The following BCAS3 variants were observed in gnomAD, a reference collection of about 807,000 sequenced individuals.
The protein encoded by BCAS3 is BCAS3 microtubule associated cell migration factor, also known as BCAS4/BCAS3 fusion.
In BCAS3, 53 loss-of-function variants were observed where a neutral mutation model predicts 116.1. That is an observed-to-expected ratio of 0.46 (90% CI 0.37 to 0.57). BCAS3 has a LOEUF of 0.57. BCAS3 is among the 20% of genes least tolerant of loss of function. BCAS3 has a pLI of 0.00. For synonymous variants in BCAS3, 391 were observed against 408.2 expected, an observed-to-expected ratio of 0.96 and a Z score of 0.51; for missense variants, 917 against 1,165.4, an observed-to-expected ratio of 0.79 and a Z score of 3.10.
intron 6 of BCAS3, among the ~76,000 whole-genome samples, chr17:60,773,269 T>C (rs1176079191): frequency 1.3e-5 from 2 of 151,744 alleles, no homozygotes; most frequent in Non-Finnish European, 2.9e-5. Context: ...TATTTTGTAT[T>C]ATCTGACTCT....
chr17:61,290,051 C>T (rs891490743), intron 22 of BCAS3, among the ~76,000 whole-genome samples: 4 of 151,958 alleles, frequency 2.6e-5, no homozygotes, highest in African/African-American at 9.7e-5. Flanking sequence ...TACTTGGGTT[C>T]GTGTGTGTAA....
In BCAS3 at chr17:61,381,042, C is replaced by T. The variant is rs879706742; in HGVS notation, c.2594-10935C>T. Among the ~76,000 whole-genome samples the T allele has an allele frequency of 5.3e-5, 8 of 152,188 alleles. No individual in the cohort carries two copies. Among genetic ancestry groups the T allele is most frequent in the African/African-American group, 1.7e-4 (7 of 41,438 alleles). On this transcript the variant is annotated intron_variant, in intron 23 of 23. Coordinates refer to ENST00000407086, the MANE Select transcript of BCAS3 (RefSeq NM_017679.5). This position sits in a 1 kb window ranked among gnomAD's most constrained non-coding sequence, Gnocchi z 6.0. ...CCGACTCCTGGCCACTTGTTGTCTG[C>T]GCTTGTCTGTCCATTTATACAACCT...
At chr17:60,978,663 C>T (rs1176907793) in intron 14 of BCAS3, among the ~76,000 whole-genome samples, 1 of 152,062 alleles carries the variant, frequency 6.6e-6, no homozygotes, top group East Asian at 1.9e-4. Context: ...TTAATCCATC[C>T]TGAATTGATT....
chr17:60,956,308 T>C lies in BCAS3; in HGVS notation c.1221+8956T>C, dbSNP rs1303846713. On this transcript the variant is annotated intron_variant, in intron 14 of 23. Coordinates refer to ENST00000407086, the MANE Select transcript of BCAS3 (RefSeq NM_017679.5). The surrounding 1 kb of genome is among the most constrained non-coding windows in gnomAD (Gnocchi z 4.2). ...CAACTAACTTGCTTACCCTTAAGTT[T>C]AATTATTATTTGTTTTTGTCTCTTT... Among the ~76,000 whole-genome samples, 2 of 152,214 alleles carry C rather than the reference T, an allele frequency of 1.3e-5. No individual in the cohort carries two copies. The highest frequency in any genetic ancestry group is 2.9e-5 in the Non-Finnish European group (2 of 68,044).
At position 61,105,487 on chromosome 17, in the gene BCAS3, C is replaced by T. The variant is rs1184094607; in HGVS notation, c.2425+20923C>T. On this transcript the variant is annotated intron_variant, in intron 22 of 23. Transcript: ENST00000407086. The surrounding 1 kb of genome is among the most constrained non-coding windows in gnomAD (Gnocchi z 4.3). ...TTGCCCAGGCTGCAGTGCAATGGCG[C>T]GACCTTGGCTCAAAGCAAGCTCTGT... Among the ~76,000 whole-genome samples the T allele has an allele frequency of 1.3e-5, 2 of 152,122 alleles. No homozygotes were observed. The highest frequency in any genetic ancestry group is 2.4e-5 in the African/African-American group (1 of 41,426).
intron 16 of BCAS3, among the ~76,000 whole-genome samples, chr17:61,018,290 GTTTTTTTTTTT>G (rs10570881): frequency 4.0e-4 from 33 of 83,056 alleles, no homozygotes; most frequent in Non-Finnish European, 7.5e-4. Flanking sequence ...AAATTCCCCA[GTTTTTTTTTTT>G]TTTTTTTTTT....
chr17:60,986,309 C>A (rs2145418052), intron 14 of BCAS3, among the ~76,000 whole-genome samples: 1 of 152,238 alleles, frequency 6.6e-6, no homozygotes, highest in Middle Eastern at 3.4e-3. Context: ...CATGGGAGTG[C>A]AGATATCTCT....
At chr17:60,881,141 A>AT (rs2056103165) in intron 9 of BCAS3, among the ~76,000 whole-genome samples, 1 of 151,890 alleles carries the variant, frequency 6.6e-6, no homozygotes, top group African/African-American at 2.4e-5. Flanking sequence ...CACCCTGCTA[A>AT]TTTTTTGTAT....
chr17:60,847,909 A>C (rs1274603971), intron 7 of BCAS3, among the ~76,000 whole-genome samples: 2 of 152,196 alleles, frequency 1.3e-5, no homozygotes, highest in East Asian at 3.8e-4. Context: ...TCTGAGAATC[A>C]ATTGCCAAAT....
intron 19 of BCAS3, among the ~76,000 whole-genome samples, chr17:61,070,738 G>A (rs1427308385): frequency 1.3e-5 from 2 of 152,086 alleles, no homozygotes; most frequent in East Asian, 3.9e-4. Context: ...TCCTAGGCTG[G>A]CCTTCTGTAT....
intron 15 of BCAS3, among the ~76,000 whole-genome samples, chr17:60,991,102 T>C (rs1365226156): frequency 2.0e-5 from 3 of 152,202 alleles, no homozygotes. Context: ...TAAACCACAA[T>C]TCTCATTTTT....
intron 3 of BCAS3, chr17:60,689,007 A>G (rs1210142505): frequency 1.3e-5 from 2 of 152,198 alleles, no homozygotes; most frequent in East Asian, 3.8e-4. Context: ...TACTCACACC[A>G]GTATAATTGC....
Position 61,324,440 on chromosome 17 carries a change from A to G in BCAS3, c.2426-43887A>G, listed in dbSNP as rs972568617. 6.6e-6 allele frequency among the ~76,000 whole-genome samples: 1 copy of G among 152,210 alleles called. No homozygotes were observed. The highest frequency in any genetic ancestry group is 1.9e-4 in the East Asian group (1 of 5,198). ...GCCCCGAGTATGTGTGGTAGTATTA[A>G]TATATGTACATGTAATATTTGTGTG... On this transcript the variant is annotated intron_variant, in intron 22 of 23. Transcript: ENST00000407086. This position sits in a 1 kb window ranked among gnomAD's most constrained non-coding sequence, Gnocchi z 4.6.
At chr17:60,889,831 T>TA (rs1164943382) in intron 10 of BCAS3, 60 bp downstream of exon 10, 12 of 1,432,418 alleles carry the variant, frequency 8.4e-6, no homozygotes, top group South Asian at 8.2e-5. Flanking sequence ...GGATTTTCCA[T>TA]AAAAAATACC....
chr17:61,110,687 G>GGCTT (rs1268634859), intron 22 of BCAS3, among the ~76,000 whole-genome samples: 2 of 152,206 alleles, frequency 1.3e-5, no homozygotes, highest in African/African-American at 4.8e-5. Flanking sequence ...CCATTGCCCA[G>GGCTT]GCTTGCTTAG....
rs952495337 is a variant in BCAS3 at position 61,217,792 on chromosome 17, C to T, written c.2425+133228C>T. 6.6e-6 allele frequency among the ~76,000 whole-genome samples: 1 copy of T among 152,134 alleles called. No individual in the cohort carries two copies. Among genetic ancestry groups the T allele is most frequent in the African/African-American group, 2.4e-5 (1 of 41,428 alleles). ...ACTCCTCTAAGCCTTTTTTCCCCTC[C>T]CTTATTAAAAGTAATTTTTTACAGA... On this transcript the variant is annotated intron_variant, in intron 22 of 23. Coordinates refer to ENST00000407086, the MANE Select transcript of BCAS3 (RefSeq NM_017679.5). This position sits in a 1 kb window ranked among gnomAD's most constrained non-coding sequence, Gnocchi z 5.2.
intron 23 of BCAS3, among the ~76,000 whole-genome samples, chr17:61,386,705 T>A (rs948828139): frequency 1.3e-5 from 2 of 151,742 alleles, no homozygotes; most frequent in African/African-American, 4.8e-5. Context: ...GCAGGGCCTT[T>A]GATTGGCCAG....
chr17:60,937,407 C>T (rs16944694), intron 13 of BCAS3, among the ~76,000 whole-genome samples: 5,836 of 151,978 alleles, frequency 0.038, 424 homozygotes, highest in African/African-American at 0.13. Flanking sequence ...ACAAGTTTAT[C>T]TTGTCCTCAC....
intron 16 of BCAS3, among the ~76,000 whole-genome samples, chr17:61,024,084 G>C (rs2066057729): frequency 6.6e-6 from 1 of 152,144 alleles, no homozygotes; most frequent in Non-Finnish European, 1.5e-5. Context: ...ACTTTTGGGA[G>C]GGGAGAGTGA....
Sources: allele counts gnomAD v4.1 joint callset (sites outside exome capture counted in the v4.1 genomes callset), GRCh38; gene constraint gnomAD v4.1.1; non-coding constraint Gnocchi (gnomAD v3.1); transcripts MANE v1.5; gene names NCBI Gene and HGNC (gene_info 2026-07-23, HGNC 2026-07-21).